The following PLAGL1 variants were observed in gnomAD, a reference collection of about 807,000 sequenced individuals.
PLAGL1 encodes zinc finger protein PLAGL1.
PLAGL1 carries 1 observed loss-of-function variant against 4.6 expected under a neutral mutation model. That is an observed-to-expected ratio of 0.22 (90% CI 0.08 to 1.03). The LOEUF (loss-of-function observed/expected upper bound fraction) is 1.03, where lower values mean the gene tolerates loss of function less well. PLAGL1 is among the 50% of genes least tolerant of loss of function. The pLI is 0.58. For missense variants in PLAGL1, 464 were observed against 570.4 expected, an observed-to-expected ratio of 0.81 and a Z score of 1.90; for synonymous variants, 240 against 237.8, an observed-to-expected ratio of 1.01 and a Z score of -0.08.
At position 144,030,017 on chromosome 6, in the gene PLAGL1, G is replaced by A. The variant is rs562086042; in HGVS notation, c.-151+34451C>T. Among the ~76,000 whole-genome samples, 317 of 152,180 alleles carry A rather than the reference G, an allele frequency of 2.1e-3. 1 individual carries two copies. Among genetic ancestry groups the A allele is most frequent in the African/African-American group, 7.4e-3 (307 of 41,548 alleles). ...GCCTGTAATCCCAGCACTTTGGGAG[G>A]CCGAGGCGGGAGGATCATGAGGTCA... On this transcript the variant is annotated intron_variant, in intron 1 of 3. Transcript: ENST00000437412.
In PLAGL1 at chr6:144,039,348, G is replaced by A. The variant is rs1306030966; in HGVS notation, c.-151+25120C>T. On this transcript the variant is annotated intron_variant, in intron 1 of 3. Coordinates refer to the PLAGL1 transcript ENST00000437412. This position sits in a 1 kb window ranked among gnomAD's most constrained non-coding sequence, Gnocchi z 4.1. The stretch of plus-strand genomic sequence containing the variant: ...ACCTGTAATCTCAACACTTTGGGAG[G>A]CAGAAGTGGGTGGATCATTAGAGGC... Among the ~76,000 whole-genome samples, 1 of 152,162 alleles carries A rather than the reference G, an allele frequency of 6.6e-6. No homozygotes were observed. Among genetic ancestry groups the A allele is most frequent in the Non-Finnish European group, 1.5e-5 (1 of 68,028 alleles).
rs564104038 is a variant in PLAGL1, at chr6:144,055,780, G to T, written c.-151+8688C>A. ...TGAAAGCTACATTTACATTATTAACGATAACAAGTCCTGGAAGAAAGAACC... is the reference window on the plus strand; with the variant it reads ...TGAAAGCTACATTTACATTATTAACTATAACAAGTCCTGGAAGAAAGAACC... On this transcript the variant is annotated intron_variant, in intron 1 of 3. Coordinates refer to the PLAGL1 transcript ENST00000437412. This position sits in a 1 kb window ranked among gnomAD's most constrained non-coding sequence, Gnocchi z 5.0. Among the ~76,000 whole-genome samples the T allele has an allele frequency of 6.6e-6, 1 of 152,090 alleles. No individual in the cohort carries two copies. Among genetic ancestry groups the T allele is most frequent in the Non-Finnish European group, 1.5e-5 (1 of 68,008 alleles).
At chr6:143,999,652 A>C (rs1250126068) in intron 1 of PLAGL1, among the ~76,000 whole-genome samples, 1 of 152,224 alleles carries the variant, frequency 6.6e-6, no homozygotes, top group Non-Finnish European at 1.5e-5. Context: ...GGAATCCATC[A>C]TTCTTTGCTA....
chr6:143,979,201 T>C lies in PLAGL1; in HGVS notation c.-544+5934A>G, dbSNP rs193120617. Among the ~76,000 whole-genome samples the C allele has an allele frequency of 2.6e-5, 4 of 152,286 alleles. No homozygotes were observed. Among genetic ancestry groups the C allele is most frequent in the Admixed American group, 2.6e-4 (4 of 15,302 alleles). ...GAAGTGCATTTTTTTGTAGGCAGCA[T>C]ATAGTTAGTTCTCAAAGCGTTTTGT... On this transcript the variant is annotated intron_variant, in intron 2 of 7. Transcript: ENST00000674357. The surrounding 1 kb of genome is among the most constrained non-coding windows in gnomAD (Gnocchi z 4.6).
chr6:144,041,926 T>C (rs1797769066), intron 1 of PLAGL1, among the ~76,000 whole-genome samples: 1 of 152,256 alleles, frequency 6.6e-6, no homozygotes, highest in Non-Finnish European at 1.5e-5. Context: ...ATTTCTCTGA[T>C]GACCAAGTGA....
At chr6:144,002,926 AAT>A (rs1793230737) in intron 1 of PLAGL1, among the ~76,000 whole-genome samples, 1 of 151,668 alleles carries the variant, frequency 6.6e-6, no homozygotes, top group African/African-American at 2.4e-5. Flanking sequence ...CACATTTGAA[AAT>A]TTATATGGAA....
intron 1 of PLAGL1, among the ~76,000 whole-genome samples, chr6:144,031,818 G>A (rs1214007835): frequency 1.3e-5 from 2 of 152,072 alleles, no homozygotes; most frequent in Non-Finnish European, 2.9e-5. Context: ...GCTTAGTCTC[G>A]CTTTGGCTAT....
At chr6:143,967,203 A>C (rs1259456998) in intron 3 of PLAGL1, 1 of 152,138 alleles carries the variant, frequency 6.6e-6, no homozygotes, top group African/African-American at 2.4e-5. Flanking sequence ...TAAAATGGGG[A>C]TATCTATGTA....
At chr6:144,035,987 T>G (rs922791460) in intron 1 of PLAGL1, among the ~76,000 whole-genome samples, 4 of 152,050 alleles carry the variant, frequency 2.6e-5, no homozygotes, top group African/African-American at 9.7e-5. Context: ...AGCAGGGGCA[T>G]TTCTGGGTTT....
rs1252770491 is a variant in PLAGL1 at position 144,048,610 on chromosome 6, G to C, written c.-151+15858C>G. Among the ~76,000 whole-genome samples, 1 of 152,204 alleles carries C rather than the reference G, an allele frequency of 6.6e-6. No individual in the cohort carries two copies. The highest frequency in any genetic ancestry group is 2.4e-5 in the African/African-American group (1 of 41,452). On this transcript the variant is annotated intron_variant, in intron 1 of 3. Transcript: ENST00000437412. This position sits in a 1 kb window ranked among gnomAD's most constrained non-coding sequence, Gnocchi z 4.8. ...TTGAGCTGTATGTTGGCCCCTTTTA[G>C]CTATGGCTGGGACACAGGGTGCCAA... is the stretch of plus-strand genomic sequence containing the variant.
In PLAGL1 at chr6:143,997,667, C is replaced by T. The variant is rs1013230112; in HGVS notation, c.-584+10423G>A. Among the ~76,000 whole-genome samples the T allele has an allele frequency of 2.0e-5, 3 of 152,064 alleles. No individual in the cohort carries two copies. The highest frequency in any genetic ancestry group is 7.2e-5 in the African/African-American group (3 of 41,398). ...TGCAATCACACTCCAGCCTGGGTGG[C>T]AGAGTGAGATACCATCTTGGGGCGG... On this transcript the variant is annotated intron_variant, in intron 1 of 7. Transcript: ENST00000674357. The surrounding 1 kb of genome is among the most constrained non-coding windows in gnomAD (Gnocchi z 4.6).
At chr6:144,019,999 G>A (rs925840693) in intron 1 of PLAGL1, among the ~76,000 whole-genome samples, 2 of 152,114 alleles carry the variant, frequency 1.3e-5, no homozygotes, top group Non-Finnish European at 2.9e-5. Flanking sequence ...AATCCCCAAT[G>A]TGATTGTATT....
At chr6:143,999,984 A>G (rs1265565133) in intron 1 of PLAGL1, among the ~76,000 whole-genome samples, 1 of 152,186 alleles carries the variant, frequency 6.6e-6, no homozygotes, top group East Asian at 1.9e-4. Flanking sequence ...CAGAGAAGTA[A>G]CTGCCCAAGA....
In PLAGL1 at chr6:144,022,024, C is replaced by T. The variant is rs1329429070; in HGVS notation, c.-151+42444G>A. Among the ~76,000 whole-genome samples the T allele has an allele frequency of 6.6e-6, 1 of 152,192 alleles. No individual in the cohort carries two copies. Among genetic ancestry groups the T allele is most frequent in the African/African-American group, 2.4e-5 (1 of 41,458 alleles). ...TAGCTTCAAAAGAGGTGATCCAACT[C>T]TCCTACCTCAGGCAGTTGCAGGGCT... On this transcript the variant is annotated intron_variant, in intron 1 of 3. Coordinates refer to the PLAGL1 transcript ENST00000437412. This position sits in a 1 kb window ranked among gnomAD's most constrained non-coding sequence, Gnocchi z 4.2.
chr6:143,987,416 T>C (rs1008299933), intron 1 of PLAGL1, among the ~76,000 whole-genome samples: 16 of 144,694 alleles, frequency 1.1e-4, no homozygotes, highest in Non-Finnish European at 2.0e-4. Context: ...AGGCAAGATC[T>C]GGCATGTGCC....
rs190814665 is a variant in PLAGL1 at position 143,983,885 on chromosome 6, T to A, written c.-544+1250A>T. 2.0e-5 allele frequency among the ~76,000 whole-genome samples: 3 copies of A among 152,034 alleles called. No homozygotes were observed. The highest frequency in any genetic ancestry group is 2.0e-4 in the Admixed American group (3 of 15,260). On this transcript the variant is annotated intron_variant, in intron 2 of 7. Transcript: ENST00000674357. This position sits in a 1 kb window ranked among gnomAD's most constrained non-coding sequence, Gnocchi z 6.6. ...TGACTATGGGAGAAAGTTGCTAATGTGGTTTGGAAGACAAGGTCATTGAAG... is the reference window on the plus strand; with the variant it reads ...TGACTATGGGAGAAAGTTGCTAATGAGGTTTGGAAGACAAGGTCATTGAAG...
At position 143,972,937 on chromosome 6, in the gene PLAGL1, T is replaced by C. The variant is rs1785711468; in HGVS notation, c.-543-3959A>G. 6.6e-6 allele frequency among the ~76,000 whole-genome samples: 1 copy of C among 152,172 alleles called. No homozygotes were observed. The highest frequency in any genetic ancestry group is 1.5e-5 in the Non-Finnish European group (1 of 68,024). On this transcript the variant is annotated intron_variant, in intron 2 of 7. Transcript: ENST00000674357. The surrounding 1 kb of genome is among the most constrained non-coding windows in gnomAD (Gnocchi z 6.8). The stretch of plus-strand genomic sequence containing the variant: ...CTTATAACATAGTTGTGACAAAACC[T>C]CCATTGTTCATTACACACTAGCCCC...
Position 144,004,015 on chromosome 6 carries a change from T to A in PLAGL1, c.-584+4075A>T, listed in dbSNP as rs1793575486. On this transcript the variant is annotated intron_variant, in intron 1 of 7. Coordinates refer to ENST00000674357, the MANE Select transcript of PLAGL1 (RefSeq NM_001317162.2). The surrounding 1 kb of genome is among the most constrained non-coding windows in gnomAD (Gnocchi z 4.2). ...AAATGTTAATCGACAAGAAAATGAA[T>A]AAGTAAATTGCTCATATTATATATC... Among the ~76,000 whole-genome samples the A allele has an allele frequency of 6.6e-6, 1 of 152,134 alleles. No individual in the cohort carries two copies. Among genetic ancestry groups the A allele is most frequent in the East Asian group, 1.9e-4 (1 of 5,202 alleles).
intron 1 of PLAGL1, among the ~76,000 whole-genome samples, chr6:143,987,134 C>T (rs75300355): frequency 0.12 from 18,156 of 152,130 alleles, 1,344 homozygotes; most frequent in Non-Finnish European, 0.16. Context: ...TTACATCTTA[C>T]GAGATTTCTA....
Sources: gnomAD v4.1 joint callset for allele counts (sites outside exome capture counted in the v4.1 genomes callset) on GRCh38, gnomAD v4.1.1 for gene constraint, Gnocchi (gnomAD v3.1) non-coding constraint, MANE v1.5 for transcripts, NCBI Gene and HGNC (gene_info 2026-07-23, HGNC 2026-07-21) for gene names.